Variants in ASPRV1 observed in about 807,000 individuals in gnomAD.
The protein encoded by ASPRV1 is aspartic peptidase retroviral like 1.
A neutral mutation model predicts 11.0 loss-of-function variants in ASPRV1; 7 were observed. The ratio of observed to expected loss-of-function variants is 0.64; its 90% confidence interval spans 0.36 to 1.20. The LOEUF (loss-of-function observed/expected upper bound fraction) is 1.20, where lower values mean the gene tolerates loss of function less well. ASPRV1 is among the 50% of genes most tolerant of loss of function. ASPRV1 has a pLI of 0.02. For missense variants in ASPRV1, 299 were observed against 320.0 expected (o/e 0.93, Z 0.50); for synonymous variants, 136 against 138.4 (o/e 0.98, Z 0.12).
At chr2:70,080,223 GCCC>G in the ASPRV1 span, among the ~76,000 whole-genome samples, 1 of 140,662 alleles carries the variant, frequency 7.1e-6, no homozygotes, top group African/African-American at 3.0e-5. Context: ...GCTGTGCCCT[GCCC>G]CTTCTGTTTT....
At chr2:70,018,646 C>T in the ASPRV1 span, among the ~76,000 whole-genome samples, 3 of 152,258 alleles carry the variant, frequency 2.0e-5, no homozygotes, top group African/African-American at 7.2e-5. Flanking sequence ...TGATTTTCAA[C>T]AAAGGTCCCA....
chr2:70,082,886 C>T, the ASPRV1 span, among the ~76,000 whole-genome samples: 1 of 151,798 alleles, frequency 6.6e-6, no homozygotes, highest in Non-Finnish European at 1.5e-5. Flanking sequence ...AGAGCAAGAC[C>T]TTCTCTCAAA....
chr2:70,038,210 G>A, the ASPRV1 span, among the ~76,000 whole-genome samples: 1 of 152,216 alleles, frequency 6.6e-6, no homozygotes, highest in Non-Finnish European at 1.5e-5. Flanking sequence ...TAATGGAAAA[G>A]TAAACATCAG....
At chr2:69,969,228 G>A in the ASPRV1 span, among the ~76,000 whole-genome samples, 1 of 152,162 alleles carries the variant, frequency 6.6e-6, no homozygotes, top group Non-Finnish European at 1.5e-5. Flanking sequence ...GGAGGAAGGG[G>A]TGCCCCTTTC....
chr2:70,066,099 T>C, the ASPRV1 span, among the ~76,000 whole-genome samples: 1 of 151,070 alleles, frequency 6.6e-6, no homozygotes, highest in Non-Finnish European at 1.5e-5. Flanking sequence ...ATCCCAGCAC[T>C]TTGGGAGGCT....
At chr2:69,978,050 A>G in the ASPRV1 span, among the ~76,000 whole-genome samples, 1 of 152,228 alleles carries the variant, frequency 6.6e-6, no homozygotes, top group African/African-American at 2.4e-5. Context: ...CCATAAAGGA[A>G]GCAGGCTGGG....
At chr2:69,935,654 A>C in the ASPRV1 span, among the ~76,000 whole-genome samples, 2 of 152,168 alleles carry the variant, frequency 1.3e-5, no homozygotes, top group Non-Finnish European at 2.9e-5. Flanking sequence ...CCAGAGGTTA[A>C]ATGGTCCATC....
chr2:69,960,735 G>A lies in ASPRV1; in HGVS notation c.702C>T (p.Ser234=), dbSNP rs370716473. The change falls in exon 1 of 1, where the codon TCC becomes TCT. Residue 234 remains serine, a synonymous_variant. Coordinates refer to ENST00000320256, the MANE Select transcript of ASPRV1 (RefSeq NM_152792.4). ...GCTCCAGGTCAAACTCATCTTCCAGGGACCCTCCCACAGGCAGAAGGCGAA... is the reference window on the plus strand; with the variant it reads ...GCTCCAGGTCAAACTCATCTTCCAGAGACCCTCCCACAGGCAGAAGGCGAA... ...KKFRLLPVGG[S]LEDEFDLELI... The A allele has an allele frequency of 1.9e-5, 31 of 1,613,982 alleles. No individual in the cohort carries two copies. The highest frequency in any genetic ancestry group is 2.2e-5 in the Non-Finnish European group (26 of 1,180,032).
At chr2:70,050,557 T>C in the ASPRV1 span, 1 of 152,092 alleles carries the variant, frequency 6.6e-6, no homozygotes, top group African/African-American at 2.4e-5. Flanking sequence ...AAAAGCTACA[T>C]AGACAAAGTT....
chr2:69,953,266 T>C, the ASPRV1 span, among the ~76,000 whole-genome samples: 4 of 152,334 alleles, frequency 2.6e-5, no homozygotes, highest in African/African-American at 9.6e-5. Flanking sequence ...TAAGGGAATA[T>C]GCAGAGGGCA....
At chr2:70,038,820 T>C in the ASPRV1 span, among the ~76,000 whole-genome samples, 3 of 152,226 alleles carry the variant, frequency 2.0e-5, no homozygotes, top group Non-Finnish European at 4.4e-5. Context: ...GGCTTACGCC[T>C]GTAATCCCAG....
the ASPRV1 span, among the ~76,000 whole-genome samples, chr2:70,078,348 A>C: frequency 6.6e-6 from 1 of 152,202 alleles, no homozygotes; most frequent in Non-Finnish European, 1.5e-5. Context: ...AGCAGACAGC[A>C]CTCAATAAAT....
chr2:70,066,535 G>A, the ASPRV1 span, among the ~76,000 whole-genome samples: 149 of 152,110 alleles, frequency 9.8e-4, no homozygotes, highest in African/African-American at 3.3e-3. Flanking sequence ...GAGCCACTGC[G>A]CCTGGCCTCA....
the ASPRV1 span, among the ~76,000 whole-genome samples, chr2:70,058,541 C>G: frequency 6.6e-6 from 1 of 151,778 alleles, no homozygotes; most frequent in African/African-American, 2.4e-5. Flanking sequence ...CACGCCTTTA[C>G]TCTGAAGAAA....
At chr2:70,012,994 T>C in the ASPRV1 span, among the ~76,000 whole-genome samples, 1 of 152,232 alleles carries the variant, frequency 6.6e-6, no homozygotes, top group Non-Finnish European at 1.5e-5. Context: ...ATTTAAAATT[T>C]TGGAAAATGT....
the ASPRV1 span, among the ~76,000 whole-genome samples, chr2:70,072,389 G>C: frequency 6.6e-6 from 1 of 151,622 alleles, no homozygotes; most frequent in Admixed American, 6.6e-5. Context: ...CTGCACTCTA[G>C]CCTGGGTGAC....
the ASPRV1 span, among the ~76,000 whole-genome samples, chr2:69,936,351 C>G: frequency 6.6e-6 from 1 of 152,096 alleles, no homozygotes; most frequent in African/African-American, 2.4e-5. Context: ...GGGACTGGGT[C>G]TTTGTGCTCA....
At chr2:70,082,209 T>G in the ASPRV1 span, among the ~76,000 whole-genome samples, 1 of 151,796 alleles carries the variant, frequency 6.6e-6, no homozygotes, top group Non-Finnish European at 1.5e-5. Flanking sequence ...GGTCTCGAAC[T>G]CCTGACCTCA....
At chr2:70,034,574 A>C in the ASPRV1 span, among the ~76,000 whole-genome samples, 1 of 151,788 alleles carries the variant, frequency 6.6e-6, no homozygotes, top group Non-Finnish European at 1.5e-5. Context: ...TTGTCTCAAA[A>C]AAAAAAAAAA....
Sources: allele counts gnomAD v4.1 joint callset (sites outside exome capture counted in the v4.1 genomes callset), GRCh38; gene constraint gnomAD v4.1.1; transcripts MANE v1.5; gene names NCBI Gene and HGNC (gene_info 2026-07-23, HGNC 2026-07-21).